THOC2: variants seen among roughly 807,000 people sequenced by gnomAD.
THOC2 encodes THO complex 2.
THOC2 carries 10 observed loss-of-function variants against 128.4 expected under a neutral mutation model. That is an observed-to-expected ratio of 0.08 (90% CI 0.05 to 0.13). The LOEUF (loss-of-function observed/expected upper bound fraction) is 0.13, where lower values mean the gene tolerates loss of function less well. Ranked by LOEUF, THOC2 falls within the 10% of genes least tolerant of loss-of-function variation. The pLI is 1.00. For synonymous variants in THOC2, 393 were observed against 396.9 expected (o/e 0.99, Z 0.12); for missense variants, 535 against 1,155.7 (o/e 0.46, Z 7.79).
At chrX:123,635,099 G>A (rs777003132) in intron 19 of THOC2, among the ~76,000 whole-genome samples, 4 of 110,840 alleles carry the variant, frequency 3.6e-5, no homozygotes, top group Admixed American at 9.7e-5. Flanking sequence ...CCTTAGTTTC[G>A]TTTGTTTTTT....
At chrX:123,692,586 C>T (rs2050271710) in intron 7 of THOC2, among the ~76,000 whole-genome samples, 1 of 106,085 alleles carries the variant, frequency 9.4e-6, no homozygotes, top group Non-Finnish European at 1.9e-5. Context: ...ACTGCAACCT[C>T]CACCTCCTAG....
chrX:123,730,856 A>C (rs2052216810), intron 1 of THOC2, among the ~76,000 whole-genome samples: 1 of 112,094 alleles, frequency 8.9e-6, no homozygotes, highest in Non-Finnish European at 1.9e-5. Context: ...AGACAGGAGA[A>C]TCGCTTGAAC....
In THOC2 at chrX:123,602,019, T is replaced by C. The variant is rs897106579; in HGVS notation, c.*19-681A>G. On this transcript the variant is annotated intron_variant, in intron 38 of 38. Transcript: ENST00000245838. ...TTGACATTTTTCAAATACTTCATAT[T>C]GAAATAATTTCAAAACATGATTATT... The C allele has an allele frequency of 3.5e-5, 4 of 112,908 alleles. No homozygotes were observed. In the Admixed American group the frequency reaches 3.7e-4, roughly 11 times the overall value. The allele number at this position is 112,908 out of a possible 1,213,427, so 9.3% of individuals were successfully genotyped here.
At chrX:123,658,813 G>A (rs750171422) in intron 12 of THOC2, among the ~76,000 whole-genome samples, 4 of 111,482 alleles carry the variant, frequency 3.6e-5, no homozygotes, top group South Asian at 3.8e-4. Context: ...GTAAACTATG[G>A]ACTTTGGGTG....
chrX:123,672,180 C>A (rs932208421), intron 8 of THOC2, among the ~76,000 whole-genome samples: 1 of 110,731 alleles, frequency 9.0e-6, no homozygotes, highest in Non-Finnish European at 1.9e-5. Context: ...ACTCTGTCAC[C>A]CAGTCTGGAG....
intron 1 of THOC2, among the ~76,000 whole-genome samples, chrX:123,720,323 C>CT (rs1319697081): frequency 9.1e-6 from 1 of 110,218 alleles, no homozygotes; most frequent in African/African-American, 3.3e-5. Context: ...TGGCACATCC[C>CT]TATAGTCCCA....
intron 4 of THOC2, among the ~76,000 whole-genome samples, chrX:123,698,038 C>CA (rs925280695): frequency 8.7e-5 from 9 of 103,247 alleles, no homozygotes; most frequent in Non-Finnish European, 1.4e-4. Flanking sequence ...CTATTGTTCG[C>CA]AAAAAATGAA....
intron 38 of THOC2, among the ~76,000 whole-genome samples, chrX:123,609,194 A>G (rs1160380405): frequency 8.9e-6 from 1 of 112,335 alleles, no homozygotes; most frequent in Non-Finnish European, 1.9e-5. Context: ...TGCCAGATTA[A>G]AAGAAAGGTT....
At chrX:123,647,152 A>C (rs1258561662) in intron 12 of THOC2, among the ~76,000 whole-genome samples, 1 of 112,016 alleles carries the variant, frequency 8.9e-6, no homozygotes, top group Non-Finnish European at 1.9e-5. Context: ...AAAAGGGGAA[A>C]GAAATATAGG....
At position 123,600,918 on chromosome X, in the gene THOC2, ATAAAT is replaced by A. The variant is rs1387729164; in HGVS notation, c.*434_*438del. ...ACTAATATTAAGAACAAGCCAAATAATAAATTAAAACAGTTTTAAAATGAGGTAAA... is the reference window on the plus strand; with the variant it reads ...ACTAATATTAAGAACAAGCCAAATAATAAAACAGTTTTAAAATGAGGTAAA... On this transcript the variant is annotated 3_prime_UTR_variant, in exon 39 of 39. Transcript: ENST00000245838. 8.0e-5 allele frequency: 9 copies of A among 112,707 alleles called. No individual in the cohort carries two copies. The highest frequency in any genetic ancestry group is 1.5e-4 in the Non-Finnish European group (8 of 53,274). 9.3% of individuals were successfully genotyped at this position (112,707 alleles called of 1,213,427 possible).
At chrX:123,638,157 A>C in intron 17 of THOC2, 34 bp from the exon 18 acceptor site, 1 of 969,203 alleles carries the variant, frequency 1.0e-6, no homozygotes, top group Non-Finnish European at 1.4e-6. Context: ...AAGTCATTAC[A>C]TCTCTAATAA....
intron 4 of THOC2, among the ~76,000 whole-genome samples, chrX:123,700,157 C>T (rs893692668): frequency 9.1e-6 from 1 of 109,700 alleles, no homozygotes; most frequent in Non-Finnish European, 1.9e-5. Context: ...CAGCAGACTC[C>T]CCCTTTCTAT....
intron 15 of THOC2, among the ~76,000 whole-genome samples, chrX:123,641,214 A>T (rs2047899505): frequency 8.9e-6 from 1 of 112,168 alleles, no homozygotes; most frequent in Admixed American, 9.5e-5. Flanking sequence ...AGCATTCTGC[A>T]AATTTTATCT....
chrX:123,637,851 G>A (rs999047070), intron 18 of THOC2, among the ~76,000 whole-genome samples, 192 bp downstream of exon 18: 4 of 111,957 alleles, frequency 3.6e-5, no homozygotes, highest in African/African-American at 1.3e-4. Context: ...TCTTAAGTTA[G>A]GAAAATAAAT....
At chrX:123,604,681 A>C (rs2046403199) in intron 38 of THOC2, among the ~76,000 whole-genome samples, 1 of 112,007 alleles carries the variant, frequency 8.9e-6, no homozygotes, top group African/African-American at 3.2e-5. Context: ...AAATTCACCA[A>C]AAAGGTCCTA....
At chrX:123,609,903 C>T (rs1056879568) in intron 38 of THOC2, among the ~76,000 whole-genome samples, 2 of 110,423 alleles carry the variant, frequency 1.8e-5, no homozygotes, top group Admixed American at 1.9e-4. Flanking sequence ...GTGGCAGGCG[C>T]CTCTAATCCC....
intron 1 of THOC2, among the ~76,000 whole-genome samples, chrX:123,730,180 TTG>T (rs2052169465): frequency 1.1e-5 from 1 of 93,522 alleles, no homozygotes; most frequent in Non-Finnish European, 2.1e-5. Context: ...GTTTGGGTTT[TTG>T]TTTTTTTTTT....
chrX:123,645,792 T>C (rs989920152), intron 12 of THOC2, among the ~76,000 whole-genome samples: 4 of 112,020 alleles, frequency 3.6e-5, no homozygotes, highest in African/African-American at 1.3e-4. Flanking sequence ...CGAAACCCCG[T>C]CTCTACTAAA....
intron 1 of THOC2, among the ~76,000 whole-genome samples, chrX:123,732,465 G>A (rs1389946619): frequency 8.9e-6 from 1 of 112,199 alleles, no homozygotes; most frequent in Non-Finnish European, 1.9e-5. Context: ...GAGGAGGGGA[G>A]GGGAATCCGG....
Sources: gnomAD v4.1 joint callset for allele counts (sites outside exome capture counted in the v4.1 genomes callset) on GRCh38, gnomAD v4.1.1 for gene constraint, MANE v1.5 for transcripts, NCBI Gene and HGNC (gene_info 2026-07-23, HGNC 2026-07-21) for gene names.